The following RAPGEF5 variants were observed in gnomAD, a reference collection of about 807,000 sequenced individuals.
The protein encoded by RAPGEF5 is Rap guanine nucleotide exchange factor 5.
RAPGEF5 carries 65 observed loss-of-function variants against 125.2 expected under a neutral mutation model. The ratio of observed to expected loss-of-function variants is 0.52; its 90% CI spans 0.43 to 0.64. The LOEUF is 0.64. RAPGEF5 is among the 30% of genes least tolerant of loss of function. RAPGEF5 has a pLI of 0.00. For synonymous variants in RAPGEF5, 391 were observed against 385.9 expected (o/e 1.01, Z -0.16); for missense variants, 958 against 1,048.1 (o/e 0.91, Z 1.19).
intron 9 of RAPGEF5, chr7:22,194,610 C>A (rs1309958895): frequency 6.1e-5 from 60 of 984,488 alleles, no homozygotes; most frequent in Non-Finnish European, 7.2e-5. Flanking sequence ...CTTGAGATGG[C>A]CTTCAAATTT....
intron 7 of RAPGEF5, among the ~76,000 whole-genome samples, chr7:22,254,361 C>G (rs534727360): frequency 6.6e-6 from 1 of 151,258 alleles, no homozygotes; most frequent in African/African-American, 2.4e-5. Context: ...GTAATCCCAG[C>G]GCTTTGGGAG....
chr7:22,303,898 T>C (rs548972277), intron 5 of RAPGEF5, among the ~76,000 whole-genome samples: 1 of 152,240 alleles, frequency 6.6e-6, no homozygotes, highest in Non-Finnish European at 1.5e-5. Flanking sequence ...AGAATTTGAC[T>C]GGAAAAAGGC....
At chr7:22,352,362 T>C (rs551558645) in intron 1 of RAPGEF5, among the ~76,000 whole-genome samples, 10 of 151,558 alleles carry the variant, frequency 6.6e-5, no homozygotes, top group Non-Finnish European at 1.5e-4. Flanking sequence ...GGAAAAATAA[T>C]GCAACCACTA....
At chr7:22,253,393 G>C (rs1384192482) in intron 7 of RAPGEF5, among the ~76,000 whole-genome samples, 1 of 152,040 alleles carries the variant, frequency 6.6e-6, no homozygotes, top group Non-Finnish European at 1.5e-5. Flanking sequence ...TGTGGCAAAA[G>C]AAAAGAAAAG....
At chr7:22,259,076 A>C (rs1311576977) in intron 7 of RAPGEF5, among the ~76,000 whole-genome samples, 3 of 152,222 alleles carry the variant, frequency 2.0e-5, no homozygotes, top group African/African-American at 7.2e-5. Context: ...TAAAAAGGCA[A>C]GCTATGGAGA....
At chr7:22,332,682 A>G (rs1783945572) in intron 1 of RAPGEF5, among the ~76,000 whole-genome samples, 3 of 152,248 alleles carry the variant, frequency 2.0e-5, no homozygotes. Context: ...AATTAATTCC[A>G]TGACTCATGG....
At chr7:22,318,784 T>C (rs542916024) in intron 1 of RAPGEF5, among the ~76,000 whole-genome samples, 124 of 152,308 alleles carry the variant, frequency 8.1e-4, no homozygotes, top group African/African-American at 2.8e-3. Context: ...AAGTTCCTCC[T>C]GCTGGGGTAC....
chr7:22,127,464 G>A (rs1782784190), intron 24 of RAPGEF5, among the ~76,000 whole-genome samples: 1 of 152,172 alleles, frequency 6.6e-6, no homozygotes, highest in African/African-American at 2.4e-5. Flanking sequence ...TAGCATTTTG[G>A]AAGCATATAC....
At chr7:22,271,114 A>T (rs188805162) in intron 6 of RAPGEF5, among the ~76,000 whole-genome samples, 37 of 152,282 alleles carry the variant, frequency 2.4e-4, no homozygotes, top group African/African-American at 7.0e-4. Flanking sequence ...TTCTTTAAAT[A>T]GCTTGAGTTT....
intron 20 of RAPGEF5, among the ~76,000 whole-genome samples, chr7:22,141,813 C>A (rs557445047): frequency 6.6e-6 from 1 of 152,292 alleles, no homozygotes; most frequent in African/African-American, 2.4e-5. Context: ...CAAGTGACCC[C>A]TTACGTGGTT....
intron 5 of RAPGEF5, among the ~76,000 whole-genome samples, chr7:22,302,780 G>A (rs891706618): frequency 7.7e-5 from 4 of 52,030 alleles, no homozygotes; most frequent in African/African-American, 2.2e-4. Flanking sequence ...CCCCACCCCC[G>A]CCTTTTTTTT....
At chr7:22,328,828 C>G (rs1458556466) in intron 1 of RAPGEF5, among the ~76,000 whole-genome samples, 1 of 152,192 alleles carries the variant, frequency 6.6e-6, no homozygotes, top group Non-Finnish European at 1.5e-5. Flanking sequence ...GCCCTGGCCC[C>G]AAAAGCAGGA....
At chr7:22,284,341 A>G (rs1276162341) in intron 6 of RAPGEF5, among the ~76,000 whole-genome samples, 5 of 152,184 alleles carry the variant, frequency 3.3e-5, no homozygotes, top group African/African-American at 9.6e-5. Flanking sequence ...CCCAAGGCCC[A>G]TTGGATGAGG....
In RAPGEF5 at chr7:22,161,537, AACACACACAC is replaced by A. The variant is rs369030719; in HGVS notation, c.1428+850_1428+859del. On this transcript the variant is annotated intron_variant, in intron 13 of 25. Transcript: ENST00000665637. ...GGGTAGCAGAGCAAGACCCTGTCTC[AACACACACAC>A]ACACACACACACACACACACACACA... 3.9e-4 allele frequency among the ~76,000 whole-genome samples: 53 copies of A among 136,118 alleles called. 1 individual carries two copies. The highest frequency in any genetic ancestry group is 8.5e-4 in the African/African-American group (31 of 36,490). The allele number at this position is 136,118 out of a possible 152,430, so 89.3% of individuals were successfully genotyped here. A position where few individuals can be genotyped will look rare whatever the true frequency, so the allele number is the denominator to read the frequency against.
intron 9 of RAPGEF5, among the ~76,000 whole-genome samples, chr7:22,195,744 C>CAAAAAACA (rs1261301433): frequency 6.6e-6 from 1 of 151,664 alleles, no homozygotes; most frequent in African/African-American, 2.4e-5. Flanking sequence ...AAACGAAAAA[C>CAAAAAACA]AAAAAACAAA....
At chr7:22,272,497 T>C (rs1430917193) in intron 6 of RAPGEF5, among the ~76,000 whole-genome samples, 1 of 152,144 alleles carries the variant, frequency 6.6e-6, no homozygotes, top group South Asian at 2.1e-4. Flanking sequence ...ACAAATTCCC[T>C]AAAGGCTTTT....
intron 20 of RAPGEF5, among the ~76,000 whole-genome samples, chr7:22,143,804 T>C (rs1783341249): frequency 6.6e-6 from 1 of 152,220 alleles, no homozygotes; most frequent in South Asian, 2.1e-4. Flanking sequence ...CATTCTCCCA[T>C]TCTGTTTTGC....
intron 1 of RAPGEF5, chr7:22,355,904 G>GA: frequency 1.0e-6 from 1 of 958,672 alleles, no homozygotes; most frequent in Non-Finnish European, 1.2e-6. Flanking sequence ...AAACGGGAAA[G>GA]AAAAACCACA....
intron 17 of RAPGEF5, 74 bp downstream of exon 17, chr7:22,154,381 T>G: frequency 6.5e-7 from 1 of 1,534,546 alleles, no homozygotes; most frequent in South Asian, 1.2e-5. Flanking sequence ...ACTTTTACTC[T>G]ACAAAAATGT....
Sources: allele counts gnomAD v4.1 joint callset (sites outside exome capture counted in the v4.1 genomes callset), GRCh38; gene constraint gnomAD v4.1.1; transcripts MANE v1.5; gene names NCBI Gene and HGNC (gene_info 2026-07-23, HGNC 2026-07-21).